The following PTPN20 variants were observed in gnomAD, a reference collection of about 807,000 sequenced individuals.
The protein encoded by PTPN20 is protein tyrosine phosphatase non-receptor type 20, also known as tyrosine-protein phosphatase non-receptor type 20.
A neutral mutation model predicts 35.0 loss-of-function variants in PTPN20; 9 were observed. The observed-to-expected ratio is 0.26, with a 90% confidence interval of 0.15 to 0.45. The LOEUF (loss-of-function observed/expected upper bound fraction) is 0.45. Among genes scored for constraint, PTPN20 ranks in the 20% least tolerant of loss-of-function variants. The probability of loss-of-function intolerance (pLI) is 1.00; values close to 1 mark genes in which losing one functional copy is unlikely to be tolerated. For synonymous variants in PTPN20, 32 were observed against 100.2 expected (o/e 0.32, Z 4.06); for missense variants, 111 against 312.5 (o/e 0.36, Z 4.86).
At chr10:46,951,075 T>G (rs1465379258) in intron 5 of PTPN20, among the ~76,000 whole-genome samples, 1 of 151,058 alleles carries the variant, frequency 6.6e-6, no homozygotes, top group African/African-American at 2.5e-5. Flanking sequence ...TAAAGTAAGA[T>G]AGTTAAGTCA....
chr10:46,977,496 G>C (rs1434341133), intron 7 of PTPN20, among the ~76,000 whole-genome samples: 3 of 152,084 alleles, frequency 2.0e-5, no homozygotes, highest in Admixed American at 6.6e-5. Context: ...GTAGTGAATA[G>C]AGTATTAATA....
chr10:46,920,755 A>G (rs1361108624), intron 1 of PTPN20: 4 of 127,514 alleles, frequency 3.1e-5, no homozygotes, highest in African/African-American at 1.5e-4. Context: ...GTTATGTTCC[A>G]TAGGGGATCT....
intron 1 of PTPN20, among the ~76,000 whole-genome samples, chr10:46,928,540 G>A (rs1288546096): frequency 3.3e-5 from 5 of 152,158 alleles, no homozygotes; most frequent in Admixed American, 2.0e-4. Context: ...TGGCTCTGGA[G>A]GTAGCACTTT....
chr10:46,940,555 T>C lies in PTPN20; in HGVS notation c.35-68T>C, dbSNP rs1312146393. On this transcript the variant is annotated intron_variant, in intron 2 of 10. Coordinates refer to ENST00000374339, the MANE Select transcript of PTPN20 (RefSeq NM_001042357.5). ...CCTCATGTAGCTTGTTTTTTCTCATTAAGGCTCCATTTTTCCTTCTGTATA... is the reference window on the plus strand; with the variant it reads ...CCTCATGTAGCTTGTTTTTTCTCATCAAGGCTCCATTTTTCCTTCTGTATA... 18 of 1,495,670 alleles carry C rather than the reference T, an allele frequency of 1.2e-5. No homozygotes were observed. The East Asian group carries it at 2.5e-4, about 21-fold the overall frequency. The allele number at this position is 1,495,670 out of a possible 1,614,324, so 92.6% of individuals were successfully genotyped here.
chr10:46,977,065 T>C (rs1223373602), intron 7 of PTPN20, among the ~76,000 whole-genome samples: 1 of 152,272 alleles, frequency 6.6e-6, no homozygotes, highest in Non-Finnish European at 1.5e-5. Flanking sequence ...TTTTAAAAGA[T>C]GTAATTAACA....
chr10:46,972,521 A>G (rs1487856041), intron 7 of PTPN20, among the ~76,000 whole-genome samples: 1 of 91,500 alleles, frequency 1.1e-5, no homozygotes, highest in Non-Finnish European at 2.4e-5. Context: ...AAAGACTTAT[A>G]TACTAATGTT....
intron 5 of PTPN20, among the ~76,000 whole-genome samples, chr10:46,948,767 G>T (rs1292261167): frequency 2.0e-5 from 3 of 151,340 alleles, no homozygotes; most frequent in African/African-American, 7.3e-5. Context: ...GGGGAGGGAG[G>T]GCCAAGTCAT....
chr10:46,999,782 C>A, intron 9 of PTPN20, 130 bp from the exon 10 acceptor site: 1 of 1,126,818 alleles, frequency 8.9e-7, no homozygotes, highest in Non-Finnish European at 1.3e-6. Flanking sequence ...AAAAATAGCA[C>A]ATTTTCTTGT....
At chr10:46,932,341 T>A in intron 1 of PTPN20, 36 bp from the exon 2 acceptor site, 1 of 1,595,516 alleles carries the variant, frequency 6.3e-7, no homozygotes, top group Admixed American at 1.7e-5. Flanking sequence ...TCCAGTTGTG[T>A]AACAGAAAAA....
At chr10:46,925,654 A>G (rs2037051301) in intron 1 of PTPN20, among the ~76,000 whole-genome samples, 1 of 149,336 alleles carries the variant, frequency 6.7e-6, no homozygotes, top group South Asian at 2.1e-4. Context: ...AGGATAGAGG[A>G]GTAGGAACAT....
chr10:46,939,820 C>A (rs1272027578), intron 2 of PTPN20, among the ~76,000 whole-genome samples: 1 of 150,282 alleles, frequency 6.7e-6, no homozygotes, highest in Non-Finnish European at 1.5e-5. Context: ...AAAATTAATT[C>A]ATGTGTTATA....
At position 47,001,917 on chromosome 10, in the gene PTPN20, A is replaced by G. The variant is rs2138397001; in HGVS notation, c.*1176A>G. On this transcript the variant is annotated 3_prime_UTR_variant, in exon 11 of 11. Transcript: ENST00000374339. Reference sequence around the variant, plus strand: ...CAAGCTATACCTAATTATAAGCTATAAAACAATAGATATGAGTGTTTGTAC... The same window carrying G: ...CAAGCTATACCTAATTATAAGCTATGAAACAATAGATATGAGTGTTTGTAC... 1 of 152,146 alleles carries G rather than the reference A, an allele frequency of 6.6e-6. No individual in the cohort carries two copies. Among genetic ancestry groups the G allele is most frequent in the East Asian group, 1.9e-4 (1 of 5,202 alleles). 9.4% of individuals were successfully genotyped at this position (152,146 alleles called of 1,614,324 possible). A position where few individuals can be genotyped will look rare whatever the true frequency, so the allele number is the denominator to read the frequency against.
At chr10:46,947,241 A>C (rs1347643402) in intron 5 of PTPN20, among the ~76,000 whole-genome samples, 1 of 136,848 alleles carries the variant, frequency 7.3e-6, no homozygotes, top group African/African-American at 2.6e-5. Context: ...TATATTTATA[A>C]AATTTGTGTT....
At chr10:46,950,710 G>T (rs1481541716) in intron 5 of PTPN20, among the ~76,000 whole-genome samples, 8 of 151,924 alleles carry the variant, frequency 5.3e-5, no homozygotes, top group Non-Finnish European at 1.0e-4. Flanking sequence ...ATGATATAGA[G>T]AAAAAGTTAA....
intron 5 of PTPN20, among the ~76,000 whole-genome samples, chr10:46,951,860 TG>T (rs1219508413): frequency 8.4e-6 from 1 of 119,010 alleles, no homozygotes; most frequent in Non-Finnish European, 1.7e-5. Flanking sequence ...TAAATATATC[TG>T]GAAAGGAAAA....
At chr10:46,931,984 A>G (rs1451886507) in intron 1 of PTPN20, among the ~76,000 whole-genome samples, 5 of 148,380 alleles carry the variant, frequency 3.4e-5, no homozygotes, top group Non-Finnish European at 5.9e-5. Context: ...TTTATTCAGT[A>G]CTGAATTCTC....
At chr10:46,933,472 C>A (rs1382758530) in intron 2 of PTPN20, among the ~76,000 whole-genome samples, 4 of 149,190 alleles carry the variant, frequency 2.7e-5, no homozygotes, top group South Asian at 4.3e-4. Context: ...TTTCCTCCTT[C>A]CTCTATACCC....
intron 6 of PTPN20, among the ~76,000 whole-genome samples, chr10:46,965,897 C>CT (rs1265312826): frequency 0.34 from 6,895 of 20,326 alleles, 633 homozygotes; most frequent in East Asian, 0.74. Context: ...CCCCATTTTC[C>CT]TTTTTTTTTT....
intron 8 of PTPN20, among the ~76,000 whole-genome samples, chr10:46,986,311 T>A (rs2136927313): frequency 7.0e-6 from 1 of 143,164 alleles, no homozygotes; most frequent in East Asian, 2.0e-4. Flanking sequence ...AGTATCTGGA[T>A]ACCAGGGCTC....
Sources: allele counts gnomAD v4.1 joint callset (sites outside exome capture counted in the v4.1 genomes callset), GRCh38; gene constraint gnomAD v4.1.1; transcripts MANE v1.5; gene names NCBI Gene and HGNC (gene_info 2026-07-23, HGNC 2026-07-21).